The following CTNNA1 variants were observed in gnomAD, a reference collection of about 807,000 sequenced individuals.
CTNNA1 encodes catenin alpha-1.
In CTNNA1, 37 loss-of-function variants were observed where a neutral mutation model predicts 98.4. The ratio of observed to expected loss-of-function variants is 0.38; its 90% CI spans 0.29 to 0.49. The LOEUF (loss-of-function observed/expected upper bound fraction) is 0.49. Among genes scored for constraint, CTNNA1 ranks in the 20% least tolerant of loss-of-function variants. The probability of loss-of-function intolerance (pLI) is 0.95; values close to 1 mark genes in which losing one functional copy is unlikely to be tolerated. For synonymous variants in CTNNA1, 404 were observed against 413.2 expected, an observed-to-expected ratio of 0.98 and a Z score of 0.27; for missense variants, 761 against 1,147.2, an observed-to-expected ratio of 0.66 and a Z score of 4.86.
At position 138,917,636 on chromosome 5, in the gene CTNNA1, ATAGT is replaced by A. The variant is rs1330613999; in HGVS notation, c.1390-102_1390-99del. 52 of 1,090,584 alleles carry A rather than the reference ATAGT, an allele frequency of 4.8e-5. No homozygotes were observed. In the African/African-American group the frequency reaches 6.1e-4, roughly 13 times the overall value. 67.6% of individuals were successfully genotyped at this position (1,090,584 alleles called of 1,614,324 possible). The stretch of plus-strand genomic sequence containing the variant: ...TACACTCTTCCCCTTCATCTTTGTG[ATAGT>A]TAGGATAGAGCATGTGGTGTGATGT... On this transcript the variant is annotated intron_variant, in intron 10 of 17. Transcript: ENST00000302763.
At chr5:138,813,848 G>C (rs1012313046) in intron 5 of CTNNA1, among the ~76,000 whole-genome samples, 2 of 152,070 alleles carry the variant, frequency 1.3e-5, no homozygotes, top group African/African-American at 4.8e-5. Flanking sequence ...GAACTCCTGG[G>C]CTCAAGAGAT....
rs1338275791 is a variant in CTNNA1, at chr5:138,874,310, A to C, written c.1063-11902A>C. ...TAAGTGGAGCCAAGTAAGTTGACTG[A>C]AGCTGGCAAATTGATCTCTTTCGAG... On this transcript the variant is annotated intron_variant, in intron 7 of 17. Transcript: ENST00000302763. The surrounding 1 kb of genome is among the most constrained non-coding windows in gnomAD (Gnocchi z 4.1). 1.9e-6 allele frequency: 3 copies of C among 1,614,044 alleles called. No homozygotes were observed. The highest frequency in any genetic ancestry group is 3.3e-5 in the Admixed American group (2 of 60,024).
At chr5:138,763,000 G>A (rs1233667953) in intron 1 of CTNNA1, among the ~76,000 whole-genome samples, 2 of 151,878 alleles carry the variant, frequency 1.3e-5, no homozygotes, top group African/African-American at 2.4e-5. Flanking sequence ...ATCATATCAA[G>A]CTGTGAATTT....
intron 16 of CTNNA1, 159 bp downstream of exon 16, chr5:138,931,094 C>T: frequency 1.6e-6 from 1 of 619,536 alleles, no homozygotes; most frequent in East Asian, 2.8e-5. Flanking sequence ...TAAGGATTCT[C>T]TAGAGCGGAT....
chr5:138,891,788 A>G (rs1167361425), intron 9 of CTNNA1, among the ~76,000 whole-genome samples: 1 of 152,136 alleles, frequency 6.6e-6, no homozygotes, highest in African/African-American at 2.4e-5. Flanking sequence ...AACAACCACA[A>G]AAACAAAAAA....
At chr5:138,811,133 G>T (rs1489073524) in intron 4 of CTNNA1, among the ~76,000 whole-genome samples, 2 of 150,474 alleles carry the variant, frequency 1.3e-5, no homozygotes, top group African/African-American at 4.9e-5. Flanking sequence ...GGCGGCTGCC[G>T]GGCGGAGGGG....
intron 7 of CTNNA1, chr5:138,880,937 A>G (rs1227079085): frequency 3.4e-5 from 8 of 232,448 alleles, no homozygotes; most frequent in East Asian, 2.1e-4. Flanking sequence ...TATGGCAAGG[A>G]AAAAAAAAAA....
At chr5:138,896,718 G>T (rs1756893523) in intron 9 of CTNNA1, among the ~76,000 whole-genome samples, 1 of 152,160 alleles carries the variant, frequency 6.6e-6, no homozygotes, top group African/African-American at 2.4e-5. Context: ...AAATAACATG[G>T]CCTTTCAAGG....
At chr5:138,877,270 G>A (rs1751803102) in intron 7 of CTNNA1, among the ~76,000 whole-genome samples, 1 of 152,072 alleles carries the variant, frequency 6.6e-6, no homozygotes, top group South Asian at 2.1e-4. Context: ...TCTTAACCTG[G>A]TTCCATAAAC....
At chr5:138,804,652 G>A (rs1200814280) in intron 3 of CTNNA1, among the ~76,000 whole-genome samples, 1 of 152,126 alleles carries the variant, frequency 6.6e-6, no homozygotes, top group African/African-American at 2.4e-5. Context: ...GCTAAATACT[G>A]GATAATGCCA....
chr5:138,766,719 T>C (rs1752978113), intron 1 of CTNNA1, among the ~76,000 whole-genome samples: 1 of 151,364 alleles, frequency 6.6e-6, no homozygotes, highest in Admixed American at 6.6e-5. Context: ...TGCAGTGGAG[T>C]ATAGAGGGGA....
intron 7 of CTNNA1, among the ~76,000 whole-genome samples, chr5:138,867,747 C>CTT (rs67829407): frequency 2.6e-4 from 38 of 144,166 alleles, no homozygotes; most frequent in African/African-American, 9.2e-4. Flanking sequence ...TTCTTTCTTT[C>CTT]TTTTTTTTTT....
intron 11 of CTNNA1, among the ~76,000 whole-genome samples, chr5:138,923,159 G>A (rs1200192160): frequency 2.6e-5 from 4 of 152,078 alleles, no homozygotes. Flanking sequence ...TCATCTTAAC[G>A]GTATTGTGTT....
intron 3 of CTNNA1, among the ~76,000 whole-genome samples, chr5:138,803,059 T>G (rs1391604644): frequency 6.6e-6 from 1 of 152,134 alleles, no homozygotes. Context: ...TGCCTCAGCT[T>G]CCCAGAGTGC....
At chr5:138,929,201 T>G (rs1470088381) in intron 13 of CTNNA1, 45 bp from the exon 14 acceptor site, 1 of 1,061,202 alleles carries the variant, frequency 9.4e-7, no homozygotes, top group Non-Finnish European at 1.5e-6. Flanking sequence ...TGGGGGCTGG[T>G]GGCCCAGAGA....
intron 3 of CTNNA1, among the ~76,000 whole-genome samples, chr5:138,792,355 A>G (rs1756474920): frequency 1.3e-5 from 2 of 152,194 alleles, no homozygotes; most frequent in Non-Finnish European, 2.9e-5. Context: ...TAGAGTCAAG[A>G]TTGAAGGAGG....
rs892606447 is a variant in CTNNA1, at chr5:138,925,151, C to T, written c.1748-105C>T. 36 of 1,225,872 alleles carry T rather than the reference C, an allele frequency of 2.9e-5. 1 individual carries two copies. The highest frequency in any genetic ancestry group is 5.6e-4 in the Middle Eastern group (2 of 3,556). The allele number at this position is 1,225,872 out of a possible 1,614,324, so 75.9% of individuals were successfully genotyped here. ...CTTCACACAGGTAGAAGCAGAGGCT[C>T]ATCATAAGCCTCACCTCTTTCTGTC... is the stretch of plus-strand genomic sequence containing the variant. On this transcript the variant is annotated intron_variant, in intron 12 of 17. Transcript: ENST00000302763.
At chr5:138,807,071 C>T (rs145772535) in intron 3 of CTNNA1, among the ~76,000 whole-genome samples, 132 of 143,184 alleles carry the variant, frequency 9.2e-4, no homozygotes, top group African/African-American at 3.4e-3. Flanking sequence ...AGTGCAGTGG[C>T]GCAATCTCGG....
intron 1 of CTNNA1, among the ~76,000 whole-genome samples, chr5:138,773,584 G>A (rs1160904460): frequency 6.6e-6 from 1 of 152,166 alleles, no homozygotes; most frequent in East Asian, 1.9e-4. Context: ...TGAAAGTCTT[G>A]AAAATACACT....
Sources: gnomAD v4.1 joint callset for allele counts (sites outside exome capture counted in the v4.1 genomes callset) on GRCh38, gnomAD v4.1.1 for gene constraint, Gnocchi (gnomAD v3.1) non-coding constraint, MANE v1.5 for transcripts, NCBI Gene and HGNC (gene_info 2026-07-23, HGNC 2026-07-21) for gene names.